Variants in FKTN observed in about 807,000 individuals in gnomAD.
FKTN encodes the protein ribitol-5-phosphate transferase FKTN.
Under a neutral mutation model 58.6 loss-of-function variants are expected in FKTN, and 47 were observed. That is an observed-to-expected ratio of 0.80 (90% confidence interval 0.63 to 1.02). The LOEUF is 1.02. Ranked by LOEUF, FKTN falls within the 50% of genes least tolerant of loss-of-function variation. The pLI is 0.00. For missense variants in FKTN, 516 were observed against 537.3 expected, an observed-to-expected ratio of 0.96 and a Z score of 0.39; for synonymous variants, 178 against 191.9, an observed-to-expected ratio of 0.93 and a Z score of 0.60.
intron 3 of FKTN, among the ~76,000 whole-genome samples, chr9:105,587,118 A>G (rs966800556): frequency 6.6e-6 from 1 of 152,176 alleles, no homozygotes; most frequent in African/African-American, 2.4e-5. Flanking sequence ...AAAGCCAATG[A>G]ACTATGTTTG....
At chr9:105,615,922 AC>A (rs1387687911) in intron 8 of FKTN, among the ~76,000 whole-genome samples, 1 of 152,180 alleles carries the variant, frequency 6.6e-6, no homozygotes, top group African/African-American at 2.4e-5. Context: ...TACTGTACTC[AC>A]TGTTATTCTT....
chr9:105,618,495 T>A (rs1831234520), intron 9 of FKTN, among the ~76,000 whole-genome samples: 1 of 152,208 alleles, frequency 6.6e-6, no homozygotes, highest in Admixed American at 6.5e-5. Context: ...CATGAGTCAT[T>A]TAATTTACAG....
chr9:105,632,526 A>G (rs1833606910), intron 10 of FKTN, among the ~76,000 whole-genome samples: 1 of 151,862 alleles, frequency 6.6e-6, no homozygotes, highest in African/African-American at 2.4e-5. Context: ...GTAATAATAA[A>G]ACACTGTTGG....
chr9:105,598,237 G>A (rs1030161716), intron 4 of FKTN: 5 of 400,044 alleles, frequency 1.2e-5, no homozygotes, highest in African/African-American at 8.5e-5. Flanking sequence ...AATTGTAAAT[G>A]TGGTCACTGA....
intron 10 of FKTN, among the ~76,000 whole-genome samples, chr9:105,625,861 AC>A (rs372504126): frequency 7.9e-5 from 12 of 152,016 alleles, no homozygotes; most frequent in African/African-American, 2.9e-4. Flanking sequence ...ATTTGTCAGC[AC>A]CCCAGAAACC....
intron 4 of FKTN, chr9:105,600,820 C>A: frequency 5.3e-6 from 1 of 189,954 alleles, no homozygotes; most frequent in Non-Finnish European, 1.1e-5. Context: ...TGTCAGATAC[C>A]ACTTCCTCTG....
At chr9:105,610,328 C>CT (rs1270156026) in intron 7 of FKTN, among the ~76,000 whole-genome samples, 2 of 151,920 alleles carry the variant, frequency 1.3e-5, no homozygotes, top group Non-Finnish European at 2.9e-5. Context: ...GTGTATATGT[C>CT]TGTGTGTATT....
intron 1 of FKTN, among the ~76,000 whole-genome samples, chr9:105,568,228 A>G (rs1426874963): frequency 6.6e-6 from 1 of 152,210 alleles, no homozygotes; most frequent in East Asian, 1.9e-4. Flanking sequence ...GGACATAGGC[A>G]TGGGCAAGGA....
chr9:105,638,267 A>G lies in FKTN; in HGVS notation c.*3003A>G. 1.0e-6 allele frequency: 1 copy of G among 985,340 alleles called. No individual in the cohort carries two copies. The highest frequency in any genetic ancestry group is 1.2e-6 in the Non-Finnish European group (1 of 829,856). The allele number at this position is 985,340 out of a possible 1,614,324, so 61.0% of individuals were successfully genotyped here. A position where few individuals can be genotyped will look rare whatever the true frequency, so the allele number is the denominator to read the frequency against. On this transcript the variant is annotated 3_prime_UTR_variant, in exon 11 of 11. Coordinates refer to ENST00000357998, the MANE Select transcript of FKTN (RefSeq NM_001079802.2). The stretch of plus-strand genomic sequence containing the variant: ...AGGCATCCAGTGCTTCATTGAGGCT[A>G]AGTCTCAGGGTGTTTCTGCCGCTTA...
intron 5 of FKTN, among the ~76,000 whole-genome samples, chr9:105,601,566 A>G (rs540163112): frequency 1.3e-5 from 2 of 152,318 alleles, no homozygotes; most frequent in East Asian, 3.9e-4. Context: ...GTTAGTGGCT[A>G]TTGATATTAG....
chr9:105,615,420 C>T lies in FKTN; in HGVS notation c.910+13C>T, dbSNP rs375259473. 1.6e-4 allele frequency: 263 copies of T among 1,613,458 alleles called. 1 individual carries two copies. The highest frequency in any genetic ancestry group is 1.4e-3 in the Admixed American group (86 of 60,018). On this transcript the variant is annotated intron_variant, in intron 8 of 10. Coordinates refer to ENST00000357998, the MANE Select transcript of FKTN (RefSeq NM_001079802.2). The stretch of plus-strand genomic sequence containing the variant: ...GGAACTTGTCTAGGTAAAATTCTTA[C>T]GACTTTCCATTTGTCTTTCTGTCAT...
At chr9:105,614,972 C>G (rs1830555053) in intron 7 of FKTN, among the ~76,000 whole-genome samples, 1 of 151,916 alleles carries the variant, frequency 6.6e-6, no homozygotes, top group African/African-American at 2.4e-5. Flanking sequence ...CAACCTCCAC[C>G]TCCCGGGTTC....
In FKTN at chr9:105,640,364, A is replaced by G. The variant is rs1834334753; in HGVS notation, c.*5100A>G. The stretch of plus-strand genomic sequence containing the variant: ...CCAGGAGTTCGAGACCAGCCTGGCC[A>G]ACATAGTGAAACCCCGTCTCTTCTA... On this transcript the variant is annotated 3_prime_UTR_variant, in exon 11 of 11. Coordinates refer to ENST00000357998, the MANE Select transcript of FKTN (RefSeq NM_001079802.2). 4.9e-6 allele frequency: 2 copies of G among 412,292 alleles called. No homozygotes were observed. Among genetic ancestry groups the G allele is most frequent in the South Asian group, 1.0e-4 (2 of 19,812 alleles). The allele number at this position is 412,292 out of a possible 1,614,324, so 25.5% of individuals were successfully genotyped here. A position where few individuals can be genotyped will look rare whatever the true frequency, so the allele number is the denominator to read the frequency against.
At position 105,620,164 on chromosome 9, in the gene FKTN, G is replaced by T. The variant is rs1831594958; in HGVS notation, c.1172+103G>T. 6 of 965,218 alleles carry T rather than the reference G, an allele frequency of 6.2e-6. No individual in the cohort carries two copies. The Admixed American group carries it at 1.2e-4, about 19-fold the overall frequency. 59.8% of individuals were successfully genotyped at this position (965,218 alleles called of 1,614,324 possible). On this transcript the variant is annotated intron_variant, in intron 10 of 10. Coordinates refer to ENST00000357998, the MANE Select transcript of FKTN (RefSeq NM_001079802.2). ...AAAGAAAACCAAAAATCTCTTTCAA[G>T]ACTCCATTATTAGCTAACACTTTCT...
At position 105,640,411 on chromosome 9, in the gene FKTN, G is replaced by T. The variant is rs1444330695; in HGVS notation, c.*5147G>T. The T allele has an allele frequency of 1.0e-5, 3 of 287,914 alleles. No individual in the cohort carries two copies. In the East Asian group the frequency reaches 2.1e-4, roughly 20 times the overall value. The allele number at this position is 287,914 out of a possible 1,614,324, so 17.8% of individuals were successfully genotyped here. ...TCTAAAAATACAAAAAAATTAGCTG[G>T]GCATGGTGGTGCACGCCTATAGTCC... On this transcript the variant is annotated 3_prime_UTR_variant, in exon 11 of 11. Coordinates refer to ENST00000357998, the MANE Select transcript of FKTN (RefSeq NM_001079802.2).
rs774928807 is a variant in FKTN at position 105,618,182 on chromosome 9, A to T, written c.1044+90A>T. 4.8e-5 allele frequency: 51 copies of T among 1,053,758 alleles called. 1 individual carries two copies. The highest frequency in any genetic ancestry group is 4.1e-4 in the Middle Eastern group (2 of 4,846). 65.3% of individuals were successfully genotyped at this position (1,053,758 alleles called of 1,614,324 possible). ...CAACTCAGATATGGTTAAGAATGCT[A>T]CATACATAATTTTATCACTCAGTAT... On this transcript the variant is annotated intron_variant, in intron 9 of 10. Coordinates refer to ENST00000357998, the MANE Select transcript of FKTN (RefSeq NM_001079802.2).
At chr9:105,567,620 C>T (rs572852370) in intron 1 of FKTN, among the ~76,000 whole-genome samples, 105 of 152,210 alleles carry the variant, frequency 6.9e-4, no homozygotes, top group Non-Finnish European at 1.3e-3. Context: ...AAGTACAAAC[C>T]ACTGCTCAAC....
chr9:105,599,312 A>G (rs561119403), intron 4 of FKTN, among the ~76,000 whole-genome samples: 1 of 152,126 alleles, frequency 6.6e-6, no homozygotes, highest in Non-Finnish European at 1.5e-5. Flanking sequence ...GTAAGCTTTC[A>G]TTCCTAGGAT....
intron 7 of FKTN, among the ~76,000 whole-genome samples, chr9:105,610,121 T>C (rs916740230): frequency 6.6e-6 from 1 of 152,114 alleles, no homozygotes; most frequent in Admixed American, 6.5e-5. Context: ...CTTGTCTCCG[T>C]TGTTTTTTGA....
Sources: gnomAD v4.1 joint callset for allele counts (sites outside exome capture counted in the v4.1 genomes callset) on GRCh38, gnomAD v4.1.1 for gene constraint, MANE v1.5 for transcripts, NCBI Gene and HGNC (gene_info 2026-07-23, HGNC 2026-07-21) for gene names.